Variants in DNAH9 observed in about 807,000 individuals in gnomAD.
DNAH9 encodes the protein dynein axonemal heavy chain 9.
In DNAH9, 345 loss-of-function variants were observed where a neutral mutation model predicts 471.6. The observed-to-expected ratio is 0.73, with a 90% CI of 0.67 to 0.80. DNAH9 has a LOEUF of 0.80. Among genes scored for constraint, DNAH9 ranks in the 30% least tolerant of loss-of-function variants. The probability of loss-of-function intolerance (pLI) is 0.00; values close to 1 mark genes in which losing one functional copy is unlikely to be tolerated. For missense variants in DNAH9, 5,407 were observed against 5,609.2 expected, an observed-to-expected ratio of 0.96 and a Z score of 1.15; for synonymous variants, 2,093 against 2,123.6, an observed-to-expected ratio of 0.99 and a Z score of 0.40.
intron 4 of DNAH9, among the ~76,000 whole-genome samples, chr17:11,615,669 C>T (rs1356156099): frequency 6.6e-6 from 1 of 152,082 alleles, no homozygotes; most frequent in African/African-American, 2.4e-5. Flanking sequence ...GTATTGCATC[C>T]TGGGTTGGAT....
chr17:11,694,187 T>C, intron 21 of DNAH9, 134 bp from the exon 22 acceptor site: 1 of 1,239,982 alleles, frequency 8.1e-7, no homozygotes, highest in South Asian at 1.4e-5. Context: ...TGTATATCTT[T>C]GCAAATATCT....
chr17:11,943,020 C>T (rs957455233), intron 67 of DNAH9, among the ~76,000 whole-genome samples: 8 of 151,678 alleles, frequency 5.3e-5, no homozygotes, highest in East Asian at 2.0e-4. Flanking sequence ...CTCAGCCTCC[C>T]GAGTAGCTGG....
Position 11,892,361 on chromosome 17 carries a change from A to C in DNAH9, c.11283+414A>C, listed in dbSNP as rs1404057276. Among the ~76,000 whole-genome samples, 1 of 152,142 alleles carries C rather than the reference A, an allele frequency of 6.6e-6. No individual in the cohort carries two copies. The highest frequency in any genetic ancestry group is 1.5e-5 in the Non-Finnish European group (1 of 68,024). On this transcript the variant is annotated intron_variant, in intron 58 of 68. Transcript: ENST00000262442. This position sits in a 1 kb window ranked among gnomAD's most constrained non-coding sequence, Gnocchi z 4.3. ...TTACCTTTAGACTGCAAGTTTACTG[A>C]TGCAGCCATCCCCCGGGATAAGAAA... is the stretch of plus-strand genomic sequence containing the variant.
chr17:11,671,197 A>T (rs577445186), intron 17 of DNAH9, among the ~76,000 whole-genome samples: 4 of 152,316 alleles, frequency 2.6e-5, no homozygotes, highest in African/African-American at 7.2e-5. Context: ...TAATTCAAGG[A>T]TAAGCAGCAT....
intron 43 of DNAH9, among the ~76,000 whole-genome samples, chr17:11,804,935 T>C (rs1486920732): frequency 4.0e-5 from 6 of 151,280 alleles, no homozygotes; most frequent in Non-Finnish European, 8.8e-5. Flanking sequence ...TAATCTCCGC[T>C]ACTCGCTACT....
At position 11,669,573 on chromosome 17, in the gene DNAH9, G is replaced by T. The variant is rs1386749017; in HGVS notation, c.3132G>T (p.Val1044=). The change falls in exon 17 of 69, where the codon GTG becomes GTT. Residue 1044 remains valine, a synonymous_variant. Transcript: ENST00000262442. ...ILTPEEIEDH[V]EDGIPENPPL... is the part of the protein sequence containing the mutation. The stretch of plus-strand genomic sequence containing the variant: ...CTCCGGAAGAAATTGAAGACCATGT[G>T]GAAGATGGCATCCCAGAGAACCCTC... The T allele has an allele frequency of 6.2e-7, 1 of 1,614,016 alleles. No homozygotes were observed. Among genetic ancestry groups the T allele is most frequent in the African/African-American group, 1.3e-5 (1 of 74,922 alleles).
intron 67 of DNAH9, among the ~76,000 whole-genome samples, chr17:11,957,849 G>A (rs1472466652): frequency 6.6e-6 from 1 of 152,172 alleles, no homozygotes; most frequent in African/African-American, 2.4e-5. Context: ...ACCATTAGGG[G>A]AGACCAGGTA....
chr17:11,920,620 C>CAAAAAAAA (rs778741343), intron 61 of DNAH9, among the ~76,000 whole-genome samples: 1 of 61,976 alleles, frequency 1.6e-5, no homozygotes, highest in African/African-American at 6.1e-5. Context: ...GACTCCATCT[C>CAAAAAAAA]AAAAAAAAAA....
intron 28 of DNAH9, among the ~76,000 whole-genome samples, chr17:11,735,714 C>T (rs1259901159): frequency 2.0e-5 from 3 of 152,176 alleles, no homozygotes; most frequent in Non-Finnish European, 2.9e-5. Context: ...GGATTACAGA[C>T]GTGATTATTT....
At position 11,725,882 on chromosome 17, in the gene DNAH9, A is replaced by C. The variant is rs146720579; in HGVS notation, c.5710-1936A>C. 2.9e-3 allele frequency among the ~76,000 whole-genome samples: 443 copies of C among 152,224 alleles called. 2 individuals are homozygous for C. The highest frequency in any genetic ancestry group is 9.9e-3 in the African/African-American group (411 of 41,536). On this transcript the variant is annotated intron_variant, in intron 27 of 68. Coordinates refer to ENST00000262442, the MANE Select transcript of DNAH9 (RefSeq NM_001372.4). Reference sequence around the variant, plus strand: ...ACTCCATCTCAAAAAAACAAACAAAAAAAATTAAAGTCTGCCCTAATGTCC... The same window carrying C: ...ACTCCATCTCAAAAAAACAAACAAACAAAATTAAAGTCTGCCCTAATGTCC...
rs573669635 is a variant in DNAH9, at chr17:11,632,998, C to T, written c.1635+295C>T. Among the ~76,000 whole-genome samples, 3 of 152,088 alleles carry T rather than the reference C, an allele frequency of 2.0e-5. No homozygotes were observed. The South Asian group carries it at 6.2e-4, about 32-fold the overall frequency. On this transcript the variant is annotated intron_variant, in intron 8 of 68. Coordinates refer to ENST00000262442, the MANE Select transcript of DNAH9 (RefSeq NM_001372.4). ...ACCTTTAGCAGTAGGGAAAGTGTGA[C>T]CATGCAATACCATGGCTATTTAACC...
In DNAH9 at chr17:11,961,909, G is replaced by A. The variant is rs1976224702; in HGVS notation, c.12886G>A (p.Ala4296Thr). ...MTSHMENLQN[A>T]LYFDMVPESW... ...CAGCCACATGGAGAACTTACAGAAT[G>A]CCCTGTACTTCGATATGGTGCCAGA... The change falls in exon 68 of 69, where the codon GCC becomes ACC. Residue 4296 changes from alanine (A) to threonine (T), a missense_variant. Physicochemically the swap from Ala to Thr is moderately conservative, Grantham distance 58. Transcript: ENST00000262442. 3 of 1,613,742 alleles carry A rather than the reference G, an allele frequency of 1.9e-6. No individual in the cohort carries two copies. Among genetic ancestry groups the A allele is most frequent in the South Asian group, 2.2e-5 (2 of 91,052 alleles).
intron 28 of DNAH9, among the ~76,000 whole-genome samples, chr17:11,736,570 G>A (rs1282198691): frequency 6.6e-6 from 1 of 152,164 alleles, no homozygotes; most frequent in Non-Finnish European, 1.5e-5. Context: ...TCATTGTTAT[G>A]TTCCAGTGAT....
intron 59 of DNAH9, among the ~76,000 whole-genome samples, chr17:11,896,426 G>T (rs760726292): frequency 1.1e-4 from 16 of 152,314 alleles, no homozygotes; most frequent in Non-Finnish European, 1.9e-4. Flanking sequence ...GACAAAAACA[G>T]ATGGTGGGCC....
At chr17:11,742,021 G>A (rs577574325) in intron 29 of DNAH9, among the ~76,000 whole-genome samples, 154 bp from the exon 30 acceptor site, 44 of 152,340 alleles carry the variant, frequency 2.9e-4, no homozygotes, top group Non-Finnish European at 6.0e-4. Context: ...TAAATTGAAA[G>A]TCTTAGATGA....
chr17:11,788,691 A>T (rs1040689434), intron 41 of DNAH9, among the ~76,000 whole-genome samples: 11 of 152,146 alleles, frequency 7.2e-5, no homozygotes, highest in Admixed American at 6.5e-5. Context: ...AAAGAGTAAC[A>T]GTTATGTTTC....
intron 26 of DNAH9, among the ~76,000 whole-genome samples, chr17:11,708,010 CACACAGAGAGAGAGAGAG>C (rs2074751408): frequency 6.2e-5 from 3 of 48,236 alleles, no homozygotes; most frequent in South Asian, 7.3e-4. Flanking sequence ...CACACACACA[CACACAGAGAGAGAGAGAG>C]AGAGAGAGAG....
chr17:11,821,340 G>A (rs988729145), intron 45 of DNAH9, among the ~76,000 whole-genome samples: 2 of 149,758 alleles, frequency 1.3e-5, no homozygotes, highest in African/African-American at 4.9e-5. Context: ...TCAGATCCCA[G>A]TTTTCCTAAT....
At chr17:11,825,939 G>A (rs114160249) in intron 48 of DNAH9, among the ~76,000 whole-genome samples, 297 of 152,324 alleles carry the variant, frequency 1.9e-3, no homozygotes, top group African/African-American at 6.9e-3. Flanking sequence ...AACTATCATG[G>A]TGTCAGGTGC....
Sources: allele counts gnomAD v4.1 joint callset (sites outside exome capture counted in the v4.1 genomes callset), GRCh38; gene constraint gnomAD v4.1.1; non-coding constraint Gnocchi (gnomAD v3.1); transcripts MANE v1.5; gene names NCBI Gene and HGNC (gene_info 2026-07-23, HGNC 2026-07-21).